The following CCDC34 variants were observed in gnomAD, a reference collection of about 807,000 sequenced individuals.
CCDC34 encodes the protein coiled-coil domain-containing protein 34.
A neutral mutation model predicts 44.1 loss-of-function variants in CCDC34; 40 were observed. That is an observed-to-expected ratio of 0.91 (90% CI 0.70 to 1.18). The LOEUF (loss-of-function observed/expected upper bound fraction) is 1.18. Ranked by LOEUF, CCDC34 falls within the 50% of genes most tolerant of loss-of-function variation. CCDC34 has a pLI of 0.00. For missense variants in CCDC34, 466 were observed against 452.3 expected, an observed-to-expected ratio of 1.03 and a Z score of -0.28; for synonymous variants, 159 against 158.2, an observed-to-expected ratio of 1.01 and a Z score of -0.04.
intron 1 of CCDC34, 28 bp from the exon 2 acceptor site, chr11:27,357,569 T>C (rs753422968): frequency 1.9e-6 from 3 of 1,602,500 alleles, no homozygotes; most frequent in Non-Finnish European, 2.6e-6. Context: ...CTATAGTACT[T>C]GTACAAGAAC....
chr11:27,346,562 G>A (rs1386746709), intron 3 of CCDC34, among the ~76,000 whole-genome samples: 2 of 152,068 alleles, frequency 1.3e-5, no homozygotes, highest in Non-Finnish European at 2.9e-5. Flanking sequence ...ATATATCTGA[G>A]AAGAGACTTA....
intron 3 of CCDC34, 75 bp downstream of exon 3, chr11:27,350,257 A>G: frequency 6.2e-7 from 1 of 1,605,206 alleles, no homozygotes; most frequent in Non-Finnish European, 8.5e-7. Context: ...TTTAAAACCT[A>G]GGTAATGAAG....
chr11:27,350,162 G>A, intron 3 of CCDC34, 170 bp downstream of exon 3: 1 of 1,513,556 alleles, frequency 6.6e-7, no homozygotes, highest in South Asian at 1.4e-5. Flanking sequence ...AGAGGGCAAA[G>A]GGCAGAAGAT....
intron 3 of CCDC34, chr11:27,349,916 AG>A: frequency 9.8e-7 from 1 of 1,023,526 alleles, no homozygotes; most frequent in Non-Finnish European, 1.2e-6. Context: ...GGAGATGATT[AG>A]GAACAACAGA....
chr11:27,359,914 C>T (rs1350710557), intron 1 of CCDC34, among the ~76,000 whole-genome samples: 2 of 152,202 alleles, frequency 1.3e-5, no homozygotes, highest in East Asian at 3.9e-4. Flanking sequence ...ATCTCTGCCA[C>T]AGGTCATGAG....
intron 3 of CCDC34, among the ~76,000 whole-genome samples, chr11:27,344,340 T>C (rs1052535895): frequency 8.6e-5 from 13 of 152,002 alleles, no homozygotes; most frequent in Non-Finnish European, 1.6e-4. Flanking sequence ...GTTATAAACA[T>C]ATGTATATGT....
At chr11:27,352,064 T>C (rs1001608503) in intron 2 of CCDC34, among the ~76,000 whole-genome samples, 2 of 152,086 alleles carry the variant, frequency 1.3e-5, no homozygotes, top group Non-Finnish European at 2.9e-5. Flanking sequence ...TGTGCCATAG[T>C]ATATGAGTTA....
In CCDC34 at chr11:27,350,426, T is replaced by G. The variant is rs1590327196; in HGVS notation, c.512A>C (p.Gln171Pro). ...TTCCATTTCTTTTCTTTTTTCTAGT[T>G]GTTGATTTAATTCCTGTGGATTTTA... ...QLKALEELNQ[Q>P]LEKRKEMEER... The change falls in exon 3 of 6, where the codon CAA becomes CCA. Residue 171 changes from glutamine (Q) to proline (P), a missense_variant. By Grantham distance (76) the Gln-to-Pro change is moderately conservative. Transcript: ENST00000328697. 1 of 1,603,302 alleles carries G rather than the reference T, an allele frequency of 6.2e-7. No homozygotes were observed. The highest frequency in any genetic ancestry group is 8.5e-7 in the Non-Finnish European group (1 of 1,173,726).
At chr11:27,349,804 C>T in intron 3 of CCDC34, 2 of 953,816 alleles carry the variant, frequency 2.1e-6, no homozygotes, top group Non-Finnish European at 2.5e-6. Context: ...AAAATCCCTG[C>T]CCTTATGTAG....
chr11:27,340,721 A>G lies in CCDC34; in HGVS notation c.882T>C (p.Tyr294=). ...KHKPRPAAKS[Y]GYANGKLTGF... is the part of the protein sequence containing the mutation. ...CTGTAAGTTTTCCATTGGCATAACC[A>G]TAGCTCTTTGCAGCTGGACGAGGTT... is the stretch of plus-strand genomic sequence containing the variant. The change falls in exon 5 of 6, where the codon TAT becomes TAC. Residue 294 remains tyrosine (Y), a synonymous_variant. Coordinates refer to ENST00000328697, the MANE Select transcript of CCDC34 (RefSeq NM_030771.2). 2 of 1,613,330 alleles carry G rather than the reference A, an allele frequency of 1.2e-6. No homozygotes were observed. Among genetic ancestry groups the G allele is most frequent in the Non-Finnish European group, 1.7e-6 (2 of 1,179,640 alleles).
At chr11:27,357,615 C>T in intron 1 of CCDC34, 74 bp from the exon 2 acceptor site, 2 of 1,352,808 alleles carry the variant, frequency 1.5e-6, no homozygotes, top group Non-Finnish European at 2.0e-6. Context: ...CTTAACTGTA[C>T]AGTAAAAGCA....
intron 2 of CCDC34, among the ~76,000 whole-genome samples, chr11:27,352,736 ACTC>A (rs1862520226): frequency 1.3e-5 from 2 of 152,132 alleles, no homozygotes; most frequent in Non-Finnish European, 2.9e-5. Context: ...GAAACCCTGT[ACTC>A]CTATTTGATG....
intron 4 of CCDC34, 146 bp from the exon 5 acceptor site, chr11:27,340,983 T>A: frequency 1.5e-6 from 1 of 668,850 alleles, no homozygotes; most frequent in Non-Finnish European, 2.5e-6. Flanking sequence ...ATAATATGAG[T>A]AGAATATTGA....
At chr11:27,353,675 T>C (rs906384715) in intron 2 of CCDC34, among the ~76,000 whole-genome samples, 4 of 152,176 alleles carry the variant, frequency 2.6e-5, no homozygotes, top group Non-Finnish European at 5.9e-5. Context: ...AAACCAAATG[T>C]CTGATGCTCA....
intron 3 of CCDC34, among the ~76,000 whole-genome samples, chr11:27,345,287 ATTT>A (rs1319044942): frequency 6.6e-6 from 1 of 151,898 alleles, no homozygotes; most frequent in Non-Finnish European, 1.5e-5. Flanking sequence ...TTTTTTTTTA[ATTT>A]TATTATTATT....
chr11:27,358,965 C>CG (rs950224396), intron 1 of CCDC34, among the ~76,000 whole-genome samples: 88 of 116,760 alleles, frequency 7.5e-4, no homozygotes, highest in Non-Finnish European at 1.0e-3. Context: ...TGGACCCCCC[C>CG]CCCCCACCGC....
At chr11:27,342,417 G>A (rs1862375243) in intron 3 of CCDC34, among the ~76,000 whole-genome samples, 1 of 149,570 alleles carries the variant, frequency 6.7e-6, no homozygotes, top group Non-Finnish European at 1.5e-5. Flanking sequence ...ATATTTCCAG[G>A]ACAGTTTGTC....
chr11:27,363,207 G>T lies in CCDC34; in HGVS notation c.-13C>A, dbSNP rs201681864. On this transcript the variant is annotated 5_prime_UTR_variant, in exon 1 of 6. Transcript: ENST00000328697. ...CCGCCGCCCACATCTGGCCCGCCAA[G>T]TTCAAACTGGCGGAGCCGCGGCGGG... 5 of 1,454,678 alleles carry T rather than the reference G, an allele frequency of 3.4e-6. No homozygotes were observed. The highest frequency in any genetic ancestry group is 2.6e-5 in the Admixed American group (1 of 38,332). 90.1% of individuals were successfully genotyped at this position (1,454,678 alleles called of 1,614,324 possible).
chr11:27,359,946 C>T (rs1046108307), intron 1 of CCDC34, among the ~76,000 whole-genome samples: 1 of 152,152 alleles, frequency 6.6e-6, no homozygotes, highest in Non-Finnish European at 1.5e-5. Flanking sequence ...AAATATATCT[C>T]AACTCATTTT....
Sources: allele counts gnomAD v4.1 joint callset (sites outside exome capture counted in the v4.1 genomes callset), GRCh38; gene constraint gnomAD v4.1.1; transcripts MANE v1.5; gene names NCBI Gene and HGNC (gene_info 2026-07-23, HGNC 2026-07-21).